Variants in URB2 observed in about 807,000 individuals in gnomAD.
The protein encoded by URB2 is unhealthy ribosome biogenesis protein 2 homolog.
Under a neutral mutation model 120.9 loss-of-function variants are expected in URB2, and 86 were observed. The ratio of observed to expected loss-of-function variants is 0.71; its 90% CI spans 0.60 to 0.85. URB2 has a LOEUF of 0.85. Ranked by LOEUF, URB2 falls within the 40% of genes least tolerant of loss-of-function variation. The pLI is 0.00. For synonymous variants in URB2, 755 were observed against 758.4 expected (o/e 1.00, Z 0.07); for missense variants, 1,765 against 1,836.5 (o/e 0.96, Z 0.71).
At chr1:229,658,239 A>G (rs542119761) in intron 9 of URB2, among the ~76,000 whole-genome samples, 4 of 152,314 alleles carry the variant, frequency 2.6e-5, no homozygotes, top group Non-Finnish European at 5.9e-5. Context: ...TGGATGTGGT[A>G]AGTGTGAAGA....
At chr1:229,629,712 A>C (rs533230285) in intron 2 of URB2, among the ~76,000 whole-genome samples, 4 of 152,326 alleles carry the variant, frequency 2.6e-5, no homozygotes, top group Admixed American at 6.5e-5. Context: ...GTGACTGGCA[A>C]CTTCTTAAAA....
At chr1:229,633,320 G>A (rs150495053) in intron 3 of URB2, among the ~76,000 whole-genome samples, 1 of 152,182 alleles carries the variant, frequency 6.6e-6, no homozygotes, top group Non-Finnish European at 1.5e-5. Context: ...TATTTCAAAG[G>A]ATCTTTTGGA....
chr1:229,646,370 A>T (rs964608506), intron 6 of URB2, among the ~76,000 whole-genome samples: 7 of 152,186 alleles, frequency 4.6e-5, no homozygotes, highest in African/African-American at 1.4e-4. Flanking sequence ...TTGCAAATGT[A>T]GTGTTCTGCA....
At position 229,636,924 on chromosome 1, in the gene URB2, C is replaced by T. The variant is rs752767670; in HGVS notation, c.2311C>T (p.Pro771Ser). ...YLASVLLRTL[P>S]MGKAQEVSID... is the part of the protein sequence containing the mutation. ...GGCCAGTGTCCTGCTGAGAACTTTA[C>T]CCATGGGCAAAGCCCAGGAAGTCTC... The change falls in exon 4 of 10, where the codon CCC becomes TCC. Residue 771 changes from proline (P) to serine (S), a missense_variant. Pro to Ser is a moderately conservative substitution (Grantham distance 74, BLOSUM62 -1). Coordinates refer to ENST00000258243, the MANE Select transcript of URB2 (RefSeq NM_014777.4). 7 of 1,613,032 alleles carry T rather than the reference C, an allele frequency of 4.3e-6. No individual in the cohort carries two copies. Among genetic ancestry groups the T allele is most frequent in the Admixed American group, 1.7e-5 (1 of 59,866 alleles).
intron 1 of URB2, among the ~76,000 whole-genome samples, chr1:229,627,070 G>C (rs1354160300): frequency 6.6e-6 from 1 of 152,044 alleles, no homozygotes; most frequent in Non-Finnish European, 1.5e-5. Flanking sequence ...TTTTCCTTGT[G>C]CAAGTATCTC....
chr1:229,659,488 T>C lies in URB2; in HGVS notation c.*191T>C. On this transcript the variant is annotated 3_prime_UTR_variant, in exon 10 of 10. Coordinates refer to ENST00000258243, the MANE Select transcript of URB2 (RefSeq NM_014777.4). Reference sequence around the variant, plus strand: ...GTTTTTCTTACTATTTTTTAATACATAGTTTTATGCAGTAAGTATTGCAAT... The same window carrying C: ...GTTTTTCTTACTATTTTTTAATACACAGTTTTATGCAGTAAGTATTGCAAT... 1.8e-6 allele frequency: 1 copy of C among 558,740 alleles called. No individual in the cohort carries two copies. The highest frequency in any genetic ancestry group is 3.0e-6 in the Non-Finnish European group (1 of 331,294). The allele number at this position is 558,740 out of a possible 1,614,324, so 34.6% of individuals were successfully genotyped here.
At chr1:229,631,623 GAGA>G (rs1226951420) in intron 2 of URB2, among the ~76,000 whole-genome samples, 7 of 152,218 alleles carry the variant, frequency 4.6e-5, no homozygotes, top group African/African-American at 9.7e-5. Flanking sequence ...AAAGCCAGAG[GAGA>G]AGGAGAGAGG....
At chr1:229,645,828 C>T (rs1666131760) in intron 5 of URB2, 31 bp from the exon 6 acceptor site, 5 of 1,590,554 alleles carry the variant, frequency 3.1e-6, no homozygotes, top group South Asian at 1.1e-5. Context: ...CACGCTATCT[C>T]TGCCGCTAAG....
At position 229,629,474 on chromosome 1, in the gene URB2, TCA is replaced by T. The variant is rs565414554; in HGVS notation, c.126+1718_126+1719del. ...CTGAAATAGATCACAATATTGTGAG[TCA>T]CAGAAATTTTTTGGTTTCCTAGTGC... is the stretch of plus-strand genomic sequence containing the variant. On this transcript the variant is annotated intron_variant, in intron 2 of 9. Coordinates refer to ENST00000258243, the MANE Select transcript of URB2 (RefSeq NM_014777.4). 2.0e-5 allele frequency among the ~76,000 whole-genome samples: 3 copies of T among 152,320 alleles called. No homozygotes were observed. The South Asian group carries it at 6.2e-4, about 32-fold the overall frequency.
chr1:229,659,305 G>A lies in URB2; in HGVS notation c.*8G>A, dbSNP rs1462405884. The stretch of plus-strand genomic sequence containing the variant: ...AAAAGATATACGGCCTAAGGCTATG[G>A]GACAGAAGTGCCGCCAGTGACACTG... On this transcript the variant is annotated 3_prime_UTR_variant, in exon 10 of 10. Coordinates refer to ENST00000258243, the MANE Select transcript of URB2 (RefSeq NM_014777.4). 1 of 1,613,170 alleles carries A rather than the reference G, an allele frequency of 6.2e-7. No individual in the cohort carries two copies. The highest frequency in any genetic ancestry group is 2.2e-5 in the East Asian group (1 of 44,876).
In URB2 at chr1:229,638,143, C is replaced by T; in HGVS notation, c.3530C>T (p.Ala1177Val). 6.2e-7 allele frequency: 1 copy of T among 1,614,222 alleles called. No homozygotes were observed. Among genetic ancestry groups the T allele is most frequent in the East Asian group, 2.2e-5 (1 of 44,880 alleles). Residue 1177 changes from alanine (A) to valine (V), a missense_variant, in exon 4 of 10, where the codon GCA (alanine) becomes GTA (valine). Ala to Val is a moderately conservative substitution (Grantham distance 64). Transcript: ENST00000258243. ...GCGGGACATGATCAGTCTTTTCAGG[C>T]AGCCTTGCAGTTTTTGACTCTGTTC... ...ALAGHDQSFQ[A>V]ALQFLTLFFL...
chr1:229,637,450 A>G lies in URB2; in HGVS notation c.2837A>G (p.Tyr946Cys), dbSNP rs1665872805. The G allele has an allele frequency of 6.2e-7, 1 of 1,614,032 alleles. No individual in the cohort carries two copies. The highest frequency in any genetic ancestry group is 1.3e-5 in the African/African-American group (1 of 74,924). ...SLALKFLTTC[Y>C]QLLGYLQKGK... ...GCTCTCAAGTTCTTGACGACTTGCT[A>G]CCAACTTCTTGGTTACTTGCAAAAG... The change falls in exon 4 of 10, where the codon TAC (tyrosine) becomes TGC (cysteine). Residue 946 changes from tyrosine to cysteine, a missense_variant. By Grantham distance (194) the Tyr-to-Cys change is radical. Transcript: ENST00000258243.
intron 5 of URB2, among the ~76,000 whole-genome samples, chr1:229,644,635 G>A (rs1387784552): frequency 6.6e-6 from 1 of 152,108 alleles, no homozygotes; most frequent in Non-Finnish European, 1.5e-5. Flanking sequence ...ATAGCCTGTA[G>A]GTGGGCAGGA....
At position 229,643,615 on chromosome 1, in the gene URB2, G is replaced by A. The variant is rs770586488; in HGVS notation, c.3717G>A (p.Thr1239=). 31 of 1,614,110 alleles carry A rather than the reference G, an allele frequency of 1.9e-5. No homozygotes were observed. Among genetic ancestry groups the A allele is most frequent in the South Asian group, 3.3e-5 (3 of 91,086 alleles). Reference sequence around the variant, plus strand: ...TCACCCAAATGTTAGAGGTTGGGACGACAGAGGACTTGAGGCTGGTGATGC... The same window carrying A: ...TCACCCAAATGTTAGAGGTTGGGACAACAGAGGACTTGAGGCTGGTGATGC... The part of the protein sequence containing the change: ...ALFTQMLEVG[T]TEDLRLVMQC... The change falls in exon 5 of 10, where the codon ACG becomes ACA. Residue 1239 remains threonine, a synonymous_variant. Transcript: ENST00000258243.
intron 9 of URB2, among the ~76,000 whole-genome samples, 153 bp downstream of exon 9, chr1:229,654,541 G>A (rs904611886): frequency 6.0e-4 from 92 of 152,186 alleles, no homozygotes; most frequent in African/African-American, 2.1e-3. Flanking sequence ...CACTCAGGCT[G>A]GAGTGCATTA....
intron 9 of URB2, 32 bp downstream of exon 9, chr1:229,654,420 A>G (rs1388656545): frequency 6.2e-7 from 1 of 1,613,892 alleles, no homozygotes; most frequent in African/African-American, 1.3e-5. Context: ...TTCACCAAGT[A>G]CTGTGTTTAT....
At chr1:229,653,408 C>T (rs1666328159) in intron 8 of URB2, among the ~76,000 whole-genome samples, 1 of 152,186 alleles carries the variant, frequency 6.6e-6, no homozygotes, top group Non-Finnish European at 1.5e-5. Flanking sequence ...TATTTTCCAT[C>T]ATCCTTAAAA....
chr1:229,654,424 T>C, intron 9 of URB2, 36 bp downstream of exon 9: 3 of 1,613,076 alleles, frequency 1.9e-6, no homozygotes, highest in Non-Finnish European at 2.5e-6. Context: ...CCAAGTACTG[T>C]GTTTATGGTC....
chr1:229,635,528 C>G lies in URB2; in HGVS notation c.915C>G (p.Ala305=). 6.2e-7 allele frequency: 1 copy of G among 1,614,126 alleles called. No individual in the cohort carries two copies. The highest frequency in any genetic ancestry group is 2.2e-5 in the East Asian group (1 of 44,890). The change falls in exon 4 of 10, where the codon GCC becomes GCG. Residue 305 remains alanine (A), a synonymous_variant. Transcript: ENST00000258243. ...LHTSVVANSV[A]LLYKLFLDSY... is the part of the protein sequence containing the mutation. The stretch of plus-strand genomic sequence containing the variant: ...CCTCTGTTGTGGCCAACTCAGTGGC[C>G]TTGCTGTATAAGCTCTTTCTAGATT...
Sources: allele counts gnomAD v4.1 joint callset (sites outside exome capture counted in the v4.1 genomes callset), GRCh38; gene constraint gnomAD v4.1.1; transcripts MANE v1.5; gene names NCBI Gene and HGNC (gene_info 2026-07-23, HGNC 2026-07-21).